Variants in SPATA17 observed in about 807,000 individuals in gnomAD.
SPATA17 encodes the protein spermatogenesis associated 17.
A neutral mutation model predicts 62.2 loss-of-function variants in SPATA17; 53 were observed. That is an observed-to-expected ratio of 0.85 (90% CI 0.68 to 1.07). SPATA17 has a LOEUF of 1.07. Among genes scored for constraint, SPATA17 ranks in the 50% least tolerant of loss-of-function variants. SPATA17 has a pLI of 0.00. For synonymous variants in SPATA17, 146 were observed against 146.8 expected, an observed-to-expected ratio of 0.99 and a Z score of 0.04; for missense variants, 466 against 425.5, an observed-to-expected ratio of 1.10 and a Z score of -0.84.
At chr1:217,833,116 T>A (rs1038140579) in intron 9 of SPATA17, among the ~76,000 whole-genome samples, 3 of 152,288 alleles carry the variant, frequency 2.0e-5, no homozygotes, top group Admixed American at 6.5e-5. Context: ...TTATTATATA[T>A]CATGACCTCA....
chr1:217,807,993 C>G (rs1674480574), intron 9 of SPATA17, among the ~76,000 whole-genome samples: 1 of 152,128 alleles, frequency 6.6e-6, no homozygotes, highest in African/African-American at 2.4e-5. Flanking sequence ...ATGGAAGAGG[C>G]CTCAGTTCAA....
At chr1:217,859,825 A>G (rs1675861759) in intron 9 of SPATA17, among the ~76,000 whole-genome samples, 1 of 152,104 alleles carries the variant, frequency 6.6e-6, no homozygotes, top group Non-Finnish European at 1.5e-5. Context: ...GAGTTTATCA[A>G]TTCTGTTGAT....
At chr1:217,796,046 C>T (rs1320854966) in intron 8 of SPATA17, among the ~76,000 whole-genome samples, 1 of 152,090 alleles carries the variant, frequency 6.6e-6, no homozygotes, top group Non-Finnish European at 1.5e-5. Flanking sequence ...GATCCACACA[C>T]CTTGGCCTCC....
chr1:217,658,400 T>A (rs1670487731), intron 3 of SPATA17, among the ~76,000 whole-genome samples: 1 of 152,186 alleles, frequency 6.6e-6, no homozygotes, highest in South Asian at 2.1e-4. Flanking sequence ...GAGGCCTCAC[T>A]AGAAGCGGAG....
intron 5 of SPATA17, among the ~76,000 whole-genome samples, chr1:217,729,427 C>T (rs1032240727): frequency 4.6e-5 from 7 of 152,150 alleles, no homozygotes; most frequent in Non-Finnish European, 8.8e-5. Context: ...CATAATATTA[C>T]GATCTCAGCC....
intron 5 of SPATA17, among the ~76,000 whole-genome samples, chr1:217,731,635 C>T (rs551777187): frequency 1.3e-5 from 2 of 152,166 alleles, no homozygotes; most frequent in Admixed American, 6.5e-5. Context: ...TTTTCATTAT[C>T]CCATAGTAAA....
At chr1:217,681,008 C>T (rs1671071531) in intron 4 of SPATA17, among the ~76,000 whole-genome samples, 1 of 147,316 alleles carries the variant, frequency 6.8e-6, no homozygotes, top group Non-Finnish European at 1.5e-5. Context: ...GCAGGCAGAT[C>T]ACGAGGTCAA....
intron 9 of SPATA17, among the ~76,000 whole-genome samples, chr1:217,806,109 G>A (rs928858299): frequency 3.3e-5 from 5 of 152,212 alleles, no homozygotes; most frequent in Non-Finnish European, 7.3e-5. Flanking sequence ...GGGAAAAATT[G>A]GAAGAAAGGA....
At chr1:217,741,384 C>A (rs1672622238) in intron 5 of SPATA17, among the ~76,000 whole-genome samples, 1 of 152,004 alleles carries the variant, frequency 6.6e-6, no homozygotes, top group Non-Finnish European at 1.5e-5. Context: ...CACTTTCTCA[C>A]CTAATTTAGC....
chr1:217,744,394 C>T (rs12082746), intron 6 of SPATA17, among the ~76,000 whole-genome samples: 2,633 of 43,162 alleles, frequency 0.061, 456 homozygotes, highest in African/African-American at 0.13. Context: ...ACCCGGGAGG[C>T]GGAGCTTGCA....
chr1:217,812,546 A>G (rs1039898891), intron 9 of SPATA17, among the ~76,000 whole-genome samples: 4 of 152,104 alleles, frequency 2.6e-5, no homozygotes, highest in Non-Finnish European at 5.9e-5. Flanking sequence ...AAGTTGTTAG[A>G]TTCTAAGTCT....
At chr1:217,754,142 G>C (rs1273122382) in intron 6 of SPATA17, among the ~76,000 whole-genome samples, 1 of 152,056 alleles carries the variant, frequency 6.6e-6, no homozygotes, top group African/African-American at 2.4e-5. Flanking sequence ...TGAGTGGGAG[G>C]CTTGCTTAAT....
intron 5 of SPATA17, among the ~76,000 whole-genome samples, chr1:217,690,868 T>C (rs1223455967): frequency 6.9e-6 from 1 of 145,808 alleles, no homozygotes; most frequent in East Asian, 2.0e-4. Flanking sequence ...ATGTGCCACA[T>C]TTTCTTAATC....
intron 1 of SPATA17, among the ~76,000 whole-genome samples, chr1:217,646,206 A>G (rs1296333565): frequency 1.3e-5 from 2 of 152,110 alleles, no homozygotes; most frequent in African/African-American, 4.8e-5. Context: ...TATCATTCTC[A>G]TTATAATTCT....
rs918017545 is a variant in SPATA17, at chr1:217,725,841, G to A, written c.396-16134G>A. On this transcript the variant is annotated intron_variant, in intron 5 of 10. Transcript: ENST00000366933. ...GTATTTTCATAATTTTAATCTTCTT[G>A]TAAAGGAATGTCTCCTTATTTGTGT... Among the ~76,000 whole-genome samples, 3 of 152,052 alleles carry A rather than the reference G, an allele frequency of 2.0e-5. No individual in the cohort carries two copies. In the East Asian group the frequency reaches 5.8e-4, roughly 29 times the overall value.
At chr1:217,744,306 C>CA (rs929634781) in intron 6 of SPATA17, among the ~76,000 whole-genome samples, 1 of 97,048 alleles carries the variant, frequency 1.0e-5, no homozygotes, top group African/African-American at 3.1e-5. Flanking sequence ...ACTAAAAATA[C>CA]AAAAAAATTA....
chr1:217,737,570 C>T (rs1272332910), intron 5 of SPATA17, among the ~76,000 whole-genome samples: 2 of 152,076 alleles, frequency 1.3e-5, no homozygotes, highest in African/African-American at 2.4e-5. Flanking sequence ...GGCTCTGGGC[C>T]TATATACTCT....
intron 5 of SPATA17, among the ~76,000 whole-genome samples, chr1:217,733,306 G>A (rs1015918065): frequency 6.6e-6 from 1 of 152,176 alleles, no homozygotes; most frequent in Non-Finnish European, 1.5e-5. Flanking sequence ...GTCCTTTGCT[G>A]TTGATGGTCA....
chr1:217,796,606 T>G (rs1674157197), intron 8 of SPATA17, among the ~76,000 whole-genome samples: 1 of 152,192 alleles, frequency 6.6e-6, no homozygotes, highest in South Asian at 2.1e-4. Context: ...GTTTTAAATT[T>G]GTACTATGAA....
Sources: gnomAD v4.1 joint callset for allele counts (sites outside exome capture counted in the v4.1 genomes callset) on GRCh38, gnomAD v4.1.1 for gene constraint, MANE v1.5 for transcripts, NCBI Gene and HGNC (gene_info 2026-07-23, HGNC 2026-07-21) for gene names.